Variants in WWOX observed in about 807,000 individuals in gnomAD.
The protein encoded by WWOX is WW domain containing oxidoreductase, also known as WW domain-containing oxidoreductase.
In WWOX, 69 loss-of-function variants were observed where a neutral mutation model predicts 46.2. The observed-to-expected ratio is 1.49, with a 90% confidence interval of 1.23 to 1.82. The LOEUF (loss-of-function observed/expected upper bound fraction) is 1.82, where lower values mean the gene tolerates loss of function less well. Ranked by LOEUF, WWOX falls within the 40% of genes most tolerant of loss-of-function variation. The pLI is 0.00. For synonymous variants in WWOX, 359 were observed against 202.6 expected, an observed-to-expected ratio of 1.77 and a Z score of -6.56; for missense variants, 919 against 542.6, an observed-to-expected ratio of 1.69 and a Z score of -6.89.
At chr16:78,486,046 A>G (rs1318090482) in intron 8 of WWOX, among the ~76,000 whole-genome samples, 3 of 152,238 alleles carry the variant, frequency 2.0e-5, no homozygotes, top group Non-Finnish European at 4.4e-5. Flanking sequence ...ATCTGAAAAC[A>G]AAATTTCCTT....
chr16:79,051,834 T>G (rs1466439854), intron 8 of WWOX, among the ~76,000 whole-genome samples: 2 of 152,214 alleles, frequency 1.3e-5, no homozygotes, highest in African/African-American at 4.8e-5. Flanking sequence ...AATGAAGAAA[T>G]CAATGTACTT....
chr16:78,465,461 T>G (rs2084052228), intron 8 of WWOX, among the ~76,000 whole-genome samples: 1 of 152,204 alleles, frequency 6.6e-6, no homozygotes, highest in African/African-American at 2.4e-5. Context: ...ATTACAGGTG[T>G]GAGCCACCAC....
intron 8 of WWOX, among the ~76,000 whole-genome samples, chr16:78,653,426 T>C (rs74329762): frequency 0.015 from 2,309 of 152,354 alleles, 53 homozygotes; most frequent in African/African-American, 0.053. Flanking sequence ...ATGATTAGTC[T>C]AAGCCCATAA....
chr16:78,615,509 G>A (rs1242972795), intron 8 of WWOX, among the ~76,000 whole-genome samples: 1 of 151,948 alleles, frequency 6.6e-6, no homozygotes, highest in Non-Finnish European at 1.5e-5. Context: ...TTAACTGGGT[G>A]TGGTGGTGCA....
At chr16:79,057,162 G>A (rs1301049586) in intron 8 of WWOX, among the ~76,000 whole-genome samples, 1 of 152,164 alleles carries the variant, frequency 6.6e-6, no homozygotes, top group Non-Finnish European at 1.5e-5. Context: ...GTCGTTTGGA[G>A]GGTAGTGTGA....
chr16:78,330,608 G>C (rs1412592567), intron 5 of WWOX, among the ~76,000 whole-genome samples: 1 of 152,148 alleles, frequency 6.6e-6, no homozygotes, highest in Non-Finnish European at 1.5e-5. Context: ...TGTTGGCCGG[G>C]ATGCTCTCGA....
At chr16:78,741,697 A>G (rs2142417945) in intron 8 of WWOX, among the ~76,000 whole-genome samples, 1 of 152,262 alleles carries the variant, frequency 6.6e-6, no homozygotes, top group South Asian at 2.1e-4. Context: ...TATACTAAAA[A>G]TACAGAAATC....
chr16:79,177,541 C>T (rs2050824951), intron 8 of WWOX, among the ~76,000 whole-genome samples: 2 of 152,128 alleles, frequency 1.3e-5, no homozygotes, highest in African/African-American at 2.4e-5. Flanking sequence ...CAATAATTCT[C>T]TTGTCTCTAA....
At chr16:78,763,186 G>A (rs4888844) in intron 8 of WWOX, among the ~76,000 whole-genome samples, 119,539 of 152,210 alleles carry the variant, frequency 0.79, 47,358 homozygotes, top group Non-Finnish European at 0.83. Flanking sequence ...TGTTCAAGCA[G>A]TTGGCGTATG....
At chr16:78,819,933 T>G (rs1461258725) in intron 8 of WWOX, among the ~76,000 whole-genome samples, 1 of 152,250 alleles carries the variant, frequency 6.6e-6, no homozygotes, top group Non-Finnish European at 1.5e-5. Context: ...TACTTATTTA[T>G]GTATTCACTC....
chr16:78,681,110 G>A (rs887520116), intron 8 of WWOX, among the ~76,000 whole-genome samples: 14 of 152,180 alleles, frequency 9.2e-5, no homozygotes, highest in African/African-American at 2.2e-4. Flanking sequence ...ATAGTTGAGC[G>A]TGGTGGCGCA....
intron 7 of WWOX, among the ~76,000 whole-genome samples, chr16:78,430,545 C>A (rs1339232009): frequency 1.3e-5 from 2 of 152,102 alleles, no homozygotes; most frequent in African/African-American, 2.4e-5. Flanking sequence ...AAGACATCTG[C>A]CATCCCTGCT....
At chr16:78,331,280 G>T (rs1039647492) in intron 5 of WWOX, among the ~76,000 whole-genome samples, 1 of 152,132 alleles carries the variant, frequency 6.6e-6, no homozygotes, top group African/African-American at 2.4e-5. Flanking sequence ...TAGAAGTCAC[G>T]TCGATTTTCA....
At chr16:78,581,703 G>C (rs116377211) in intron 8 of WWOX, among the ~76,000 whole-genome samples, 2 of 152,030 alleles carry the variant, frequency 1.3e-5, no homozygotes, top group Admixed American at 1.3e-4. Flanking sequence ...CATTTTTTAG[G>C]TGCCTTAACT....
At chr16:79,064,112 T>C (rs1335402616) in intron 8 of WWOX, among the ~76,000 whole-genome samples, 1 of 152,222 alleles carries the variant, frequency 6.6e-6, no homozygotes, top group African/African-American at 2.4e-5. Flanking sequence ...TAAATGATCT[T>C]TATAAATCCT....
intron 5 of WWOX, among the ~76,000 whole-genome samples, chr16:78,355,182 G>C (rs565777797): frequency 6.6e-6 from 1 of 152,196 alleles, no homozygotes; most frequent in East Asian, 1.9e-4. Context: ...CTGTCTGCCA[G>C]TCACTCTATA....
At chr16:78,704,899 T>G (rs1280189669) in intron 8 of WWOX, among the ~76,000 whole-genome samples, 4 of 148,914 alleles carry the variant, frequency 2.7e-5, no homozygotes, top group Non-Finnish European at 4.4e-5. Flanking sequence ...AATTGCTGCT[T>G]CTTCCTCTAA....
At chr16:78,327,011 T>C (rs2080638964) in intron 5 of WWOX, among the ~76,000 whole-genome samples, 1 of 152,104 alleles carries the variant, frequency 6.6e-6, no homozygotes, top group Non-Finnish European at 1.5e-5. Flanking sequence ...ATACCATCAA[T>C]TAATAGTCAT....
chr16:78,830,445 G>A (rs1276008087), intron 8 of WWOX, among the ~76,000 whole-genome samples: 4 of 151,982 alleles, frequency 2.6e-5, no homozygotes, highest in Non-Finnish European at 5.9e-5. Context: ...TTTCTAAGAA[G>A]TGGTAGTACC....
Sources: allele counts gnomAD v4.1 joint callset (sites outside exome capture counted in the v4.1 genomes callset), GRCh38; gene constraint gnomAD v4.1.1; transcripts MANE v1.5; gene names NCBI Gene and HGNC (gene_info 2026-07-23, HGNC 2026-07-21).